NFIA: variants seen among roughly 807,000 people sequenced by gnomAD.
The protein encoded by NFIA is nuclear factor I A, also known as nuclear factor 1 A-type.
NFIA carries 8 observed loss-of-function variants against 62.8 expected under a neutral mutation model. That is an observed-to-expected ratio of 0.13 (90% CI 0.07 to 0.23). The LOEUF (loss-of-function observed/expected upper bound fraction) is 0.23, where lower values mean the gene tolerates loss of function less well. NFIA is among the 10% of genes least tolerant of loss of function. The pLI, the probability that NFIA is intolerant of heterozygous loss-of-function variation, is 1.00. For missense variants in NFIA, 410 were observed against 642.1 expected (o/e 0.64, Z 3.91); for synonymous variants, 235 against 238.1 (o/e 0.99, Z 0.12).
intron 5 of NFIA, among the ~76,000 whole-genome samples, chr1:61,356,522 G>T (rs539272544): frequency 2.0e-5 from 3 of 152,112 alleles, no homozygotes; most frequent in Admixed American, 6.6e-5. Context: ...TATATAGTTT[G>T]CATTTCTAAT....
intron 10 of NFIA, among the ~76,000 whole-genome samples, chr1:61,435,935 A>C (rs1667307603): frequency 6.6e-6 from 1 of 151,912 alleles, no homozygotes; most frequent in African/African-American, 2.4e-5. Context: ...CCTTTCCTCC[A>C]CACACTCCCT....
rs1668340194 is a variant in NFIA at position 61,457,036 on chromosome 1, A to C, written c.*1716A>C. On this transcript the variant is annotated 3_prime_UTR_variant, in exon 11 of 11. Transcript: ENST00000403491. The surrounding 1 kb of genome is among the most constrained non-coding windows in gnomAD (Gnocchi z 4.2). ...CTAATTTTTATATAGTTAATGTAGG[A>C]TAAAGTAGAGTGCATTAAGACACAA... 1 of 152,148 alleles carries C rather than the reference A, an allele frequency of 6.6e-6. No individual in the cohort carries two copies. Among genetic ancestry groups the C allele is most frequent in the African/African-American group, 2.4e-5 (1 of 41,432 alleles). 9.4% of individuals were successfully genotyped at this position (152,148 alleles called of 1,614,324 possible).
chr1:61,092,768 G>GAGAAAGCC (rs903667942), intron 2 of NFIA, among the ~76,000 whole-genome samples: 1 of 152,118 alleles, frequency 6.6e-6, no homozygotes, highest in Admixed American at 6.5e-5. Context: ...TATAGTAATA[G>GAGAAAGCC]AGAAAGCCGT....
intron 2 of NFIA, among the ~76,000 whole-genome samples, chr1:61,166,487 G>A (rs1235364578): frequency 6.6e-6 from 1 of 152,110 alleles, no homozygotes; most frequent in East Asian, 1.9e-4. Context: ...TAGCAGATGG[G>A]CTTAAATATG....
chr1:61,240,117 T>G (rs541167073), intron 2 of NFIA, among the ~76,000 whole-genome samples: 118 of 152,280 alleles, frequency 7.7e-4, no homozygotes, highest in Middle Eastern at 3.4e-3. Context: ...TCGATCATGG[T>G]TTAACTAATT....
chr1:61,331,698 G>A (rs911601092), intron 3 of NFIA, among the ~76,000 whole-genome samples: 2 of 152,206 alleles, frequency 1.3e-5, no homozygotes, highest in African/African-American at 4.8e-5. Flanking sequence ...GGTAGAGTGG[G>A]AAACTACATA....
chr1:61,177,510 G>A (rs1227948492), intron 2 of NFIA, among the ~76,000 whole-genome samples: 1 of 152,082 alleles, frequency 6.6e-6, no homozygotes, highest in African/African-American at 2.4e-5. Flanking sequence ...CTTAAAACTT[G>A]AGCTATTGTT....
At chr1:61,445,480 A>T (rs1253507723) in intron 10 of NFIA, among the ~76,000 whole-genome samples, 1 of 152,254 alleles carries the variant, frequency 6.6e-6, no homozygotes, top group Non-Finnish European at 1.5e-5. Flanking sequence ...CATTAAAAAA[A>T]AAATGCTATC....
At chr1:61,224,316 G>A (rs903605413) in intron 2 of NFIA, among the ~76,000 whole-genome samples, 4 of 151,924 alleles carry the variant, frequency 2.6e-5, no homozygotes, top group African/African-American at 9.7e-5. Flanking sequence ...ATAGAAAAAA[G>A]TGTGCTTTTT....
chr1:61,438,969 G>A (rs988335561), intron 10 of NFIA, among the ~76,000 whole-genome samples: 3 of 147,340 alleles, frequency 2.0e-5, no homozygotes, highest in East Asian at 4.1e-4. Flanking sequence ...TGAAGGCTTC[G>A]TTTTCTGTCC....
At chr1:61,182,453 C>T (rs1237925835) in intron 2 of NFIA, among the ~76,000 whole-genome samples, 1 of 152,232 alleles carries the variant, frequency 6.6e-6, no homozygotes, top group Non-Finnish European at 1.5e-5. Flanking sequence ...GAAATTGATG[C>T]ATGATTTTAG....
chr1:61,261,225 A>G (rs907714458), intron 2 of NFIA, among the ~76,000 whole-genome samples: 1 of 152,200 alleles, frequency 6.6e-6, no homozygotes, highest in African/African-American at 2.4e-5. Context: ...GGGGTTGTTA[A>G]GCCAAATACC....
chr1:61,142,995 G>A (rs1188922185), intron 2 of NFIA, among the ~76,000 whole-genome samples: 2 of 152,114 alleles, frequency 1.3e-5, no homozygotes, highest in East Asian at 1.9e-4. Context: ...AACTCTCTTC[G>A]TGTCTCCTCA....
chr1:61,365,785 C>T (rs530745713), intron 6 of NFIA, among the ~76,000 whole-genome samples: 3 of 152,290 alleles, frequency 2.0e-5, no homozygotes, highest in Admixed American at 2.0e-4. Context: ...ATCTCTGTCA[C>T]AAAGTTATGA....
chr1:61,316,951 T>A (rs1570568404), intron 3 of NFIA, among the ~76,000 whole-genome samples: 1 of 152,218 alleles, frequency 6.6e-6, no homozygotes, highest in Non-Finnish European at 1.5e-5. Flanking sequence ...AAGTTATTTC[T>A]GCATTTAGTG....
chr1:61,167,460 A>G (rs951032082), intron 2 of NFIA, among the ~76,000 whole-genome samples: 1 of 152,194 alleles, frequency 6.6e-6, no homozygotes, highest in Non-Finnish European at 1.5e-5. Context: ...ATATTTATTA[A>G]GGTCATATTA....
At chr1:61,146,934 G>T (rs1233038124) in intron 2 of NFIA, among the ~76,000 whole-genome samples, 1 of 152,162 alleles carries the variant, frequency 6.6e-6, no homozygotes, top group Non-Finnish European at 1.5e-5. Flanking sequence ...GTTCAGGAAG[G>T]ACTGGTATCA....
chr1:61,424,969 T>C (rs1277006894), intron 9 of NFIA, among the ~76,000 whole-genome samples: 1 of 152,214 alleles, frequency 6.6e-6, no homozygotes, highest in Non-Finnish European at 1.5e-5. Context: ...ATCAGTAGAT[T>C]TACATTGCTA....
At position 61,455,458 on chromosome 1, in the gene NFIA, G is replaced by A. The variant is rs1478132480; in HGVS notation, c.*138G>A. On this transcript the variant is annotated 3_prime_UTR_variant, in exon 11 of 11. Transcript: ENST00000403491. The stretch of plus-strand genomic sequence containing the variant: ...GAGAAAAACCGATTCAAATCAACTT[G>A]TACATGGAAACAGCAAGCATTATGG... The A allele has an allele frequency of 7.1e-7, 1 of 1,401,938 alleles. No individual in the cohort carries two copies. Among genetic ancestry groups the A allele is most frequent in the Non-Finnish European group, 1.0e-6 (1 of 1,002,452 alleles). The allele number at this position is 1,401,938 out of a possible 1,614,324, so 86.8% of individuals were successfully genotyped here. A position where few individuals can be genotyped will look rare whatever the true frequency, so the allele number is the denominator to read the frequency against.
Sources: allele counts gnomAD v4.1 joint callset (sites outside exome capture counted in the v4.1 genomes callset), GRCh38; gene constraint gnomAD v4.1.1; non-coding constraint Gnocchi (gnomAD v3.1); transcripts MANE v1.5; gene names NCBI Gene and HGNC (gene_info 2026-07-23, HGNC 2026-07-21).